AXIN2: variants seen among roughly 807,000 people sequenced by gnomAD.
The protein encoded by AXIN2 is axin 2.
In AXIN2, 21 loss-of-function variants were observed where a neutral mutation model predicts 74.7. The ratio of observed to expected loss-of-function variants is 0.28; its 90% confidence interval spans 0.20 to 0.40. The LOEUF (loss-of-function observed/expected upper bound fraction) is 0.40, where lower values mean the gene tolerates loss of function less well. Among genes scored for constraint, AXIN2 ranks in the 10% least tolerant of loss-of-function variants. The pLI, the probability that AXIN2 is intolerant of heterozygous loss-of-function variation, is 1.00. For synonymous variants in AXIN2, 532 were observed against 454.9 expected, an observed-to-expected ratio of 1.17 and a Z score of -2.16; for missense variants, 1,144 against 1,111.1, an observed-to-expected ratio of 1.03 and a Z score of -0.42.
chr17:65,532,944 TG>T (rs896731074), intron 10 of AXIN2, among the ~76,000 whole-genome samples: 21 of 152,152 alleles, frequency 1.4e-4, no homozygotes, highest in Non-Finnish European at 2.8e-4. Flanking sequence ...GCCCTAAACC[TG>T]GGAAACCTGG....
intron 6 of AXIN2, 38 bp downstream of exon 6, chr17:65,537,286 A>T (rs2144454856): frequency 1.2e-6 from 2 of 1,612,944 alleles, no homozygotes; most frequent in South Asian, 2.2e-5. Flanking sequence ...CTGGGAGACA[A>T]GCCCCACACG....
At chr17:65,545,833 T>C (rs1167847211) in intron 3 of AXIN2, among the ~76,000 whole-genome samples, 1 of 152,156 alleles carries the variant, frequency 6.6e-6, no homozygotes, top group Non-Finnish European at 1.5e-5. Flanking sequence ...AGCCCCTGCC[T>C]GCTCTGCACA....
rs2144591661 is a variant in AXIN2, at chr17:65,558,555, C to G, written c.66G>C (p.Pro22=). ...DPSSSFREDA[P]RPPVPGEEGE... is the part of the protein sequence containing the mutation. ...CTTCTTCCCCTGGCACTGGGGGCCG[C>G]GGGGCATCCTCACGGAAGCTGCTGC... Residue 22 remains proline, a synonymous_variant, in exon 2 of 11, where the codon CCG becomes CCC. Transcript: ENST00000307078. The G allele has an allele frequency of 6.2e-7, 1 of 1,613,170 alleles. No individual in the cohort carries two copies. The highest frequency in any genetic ancestry group is 8.5e-7 in the Non-Finnish European group (1 of 1,180,012).
At chr17:65,541,402 T>C (rs2144499221) in intron 4 of AXIN2, 53 bp downstream of exon 4, 2 of 1,500,100 alleles carry the variant, frequency 1.3e-6, no homozygotes, top group Non-Finnish European at 1.9e-6. Flanking sequence ...TTCTTTTCTT[T>C]AGGACTCAAC....
intron 9 of AXIN2, among the ~76,000 whole-genome samples, chr17:65,534,525 T>C (rs2043876130): frequency 6.6e-6 from 1 of 152,052 alleles, no homozygotes; most frequent in Admixed American, 6.5e-5. Context: ...GATCTCAGAA[T>C]GCCTAAAGCC....
intron 1 of AXIN2, 154 bp downstream of exon 1, chr17:65,561,296 C>A (rs2044370442): frequency 6.9e-6 from 1 of 145,706 alleles, no homozygotes; most frequent in Non-Finnish European, 1.5e-5. Flanking sequence ...TCCGCAGGGC[C>A]GCCCCGCCCG....
At chr17:65,548,894 T>G (rs891185128) in intron 3 of AXIN2, among the ~76,000 whole-genome samples, 1 of 152,204 alleles carries the variant, frequency 6.6e-6, no homozygotes, top group Admixed American at 6.5e-5. Context: ...CAGACACTAC[T>G]TTGGAGAGAG....
intron 10 of AXIN2, among the ~76,000 whole-genome samples, chr17:65,532,908 C>T (rs2043848246): frequency 6.6e-6 from 1 of 152,228 alleles, no homozygotes; most frequent in Admixed American, 6.5e-5. Context: ...TAGGGTGCCC[C>T]TGTCTCACCC....
Position 65,534,010 on chromosome 17 carries a change from A to G in AXIN2, c.2307T>C (p.Phe769=). 1 of 1,614,264 alleles carries G rather than the reference A, an allele frequency of 6.2e-7. No homozygotes were observed. The highest frequency in any genetic ancestry group is 1.1e-5 in the South Asian group (1 of 91,082). The change falls in exon 10 of 11, where the codon TTT becomes TTC. Residue 769 remains phenylalanine, a synonymous_variant. Coordinates refer to ENST00000307078, the MANE Select transcript of AXIN2 (RefSeq NM_004655.4). ...GGTATGGAATTTCTTCCCCACAGAAAAAGTAAGTGACAACCAACTCACTGG... is the reference window on the plus strand; with the variant it reads ...GGTATGGAATTTCTTCCCCACAGAAGAAGTAAGTGACAACCAACTCACTGG... ...LQASELVVTY[F]FCGEEIPYRR...
rs769069819 is a variant in AXIN2 at position 65,537,344 on chromosome 17, G to C, written c.1692C>G (p.Thr564=). 6.2e-7 allele frequency: 1 copy of C among 1,614,042 alleles called. No individual in the cohort carries two copies. The highest frequency in any genetic ancestry group is 1.3e-5 in the African/African-American group (1 of 74,948). Residue 564 remains threonine, a synonymous_variant, in exon 6 of 11, where the codon ACC becomes ACG. Transcript: ENST00000307078. ...KCKSHSKAPE[T]MPSEQFGGSR... ...CTTACCCAAACTGCTCGCTGGGCAT[G>C]GTTTCCGGAGCCTTGGAGTGGCTTT...
At chr17:65,541,608 CA>C in intron 3 of AXIN2, 51 bp from the exon 4 acceptor site, 2 of 1,457,102 alleles carry the variant, frequency 1.4e-6, no homozygotes. Context: ...ATGTTTTCAG[CA>C]CATCACATGG....
intron 4 of AXIN2, 103 bp downstream of exon 4, chr17:65,541,352 T>C: frequency 3.6e-6 from 4 of 1,096,420 alleles, no homozygotes; most frequent in Non-Finnish European, 5.6e-6. Flanking sequence ...GTACTGCTCT[T>C]TTCTACCTTC....
At chr17:65,536,729 G>C (rs1199357581) in intron 7 of AXIN2, 140 bp downstream of exon 7, 3 of 1,442,698 alleles carry the variant, frequency 2.1e-6, no homozygotes, top group Non-Finnish European at 2.9e-6. Context: ...GGTCTGCTCA[G>C]TCCAACGTTT....
At chr17:65,549,724 G>A (rs767926802) in intron 2 of AXIN2, 64 bp from the exon 3 acceptor site, 13 of 1,550,374 alleles carry the variant, frequency 8.4e-6, no homozygotes, top group Admixed American at 1.9e-5. Flanking sequence ...GTAATCAGGT[G>A]ACCCCAGGAC....
At chr17:65,537,243 C>T (rs867812703) in intron 6 of AXIN2, 81 bp downstream of exon 6, 13 of 1,592,020 alleles carry the variant, frequency 8.2e-6, no homozygotes, top group Middle Eastern at 2.1e-4. Flanking sequence ...GCCTGTAATG[C>T]GGCTCCCACC....
In AXIN2 at chr17:65,558,392, G is replaced by A. The variant is rs2044306822; in HGVS notation, c.229C>T (p.Arg77Trp). Reference sequence around the variant, plus strand: ...AAGGAGTGTAAGGACTTGGTCCACCGGGTCAGAGGGGAATCCGGAGATGCC... The same window carrying A: ...AAGGAGTGTAAGGACTTGGTCCACCAGGTCAGAGGGGAATCCGGAGATGCC... ...GRASPDSPLT[R>W]WTKSLHSLLG... The change falls in exon 2 of 11, where the codon CGG (arginine) becomes TGG (tryptophan). Residue 77 changes from arginine (R) to tryptophan (W), a missense_variant. This residue lies in a region of AXIN2 where 1,053 missense variants were observed against 973.5 expected (regional missense o/e 1.08). Coordinates refer to ENST00000307078, the MANE Select transcript of AXIN2 (RefSeq NM_004655.4). 1 of 1,606,634 alleles carries A rather than the reference G, an allele frequency of 6.2e-7. No homozygotes were observed. The highest frequency in any genetic ancestry group is 8.5e-7 in the Non-Finnish European group (1 of 1,174,644).
In AXIN2 at chr17:65,529,099, AC is replaced by A; in HGVS notation, c.*876del. 4.3e-6 allele frequency: 1 copy of A among 234,658 alleles called. No individual in the cohort carries two copies. 14.5% of individuals were successfully genotyped at this position (234,658 alleles called of 1,614,324 possible). ...TAAAACAAAAACAGAAACAAAAAAA[AC>A]AAGGAACTGTCATTTCCACGAAAGC... On this transcript the variant is annotated 3_prime_UTR_variant, in exon 11 of 11. Transcript: ENST00000307078.
chr17:65,546,749 G>A lies in AXIN2; in HGVS notation c.956+2771C>T, dbSNP rs192762172. 3.5e-3 allele frequency among the ~76,000 whole-genome samples: 537 copies of A among 152,286 alleles called. 3 individuals are homozygous for A. The highest frequency in any genetic ancestry group is 5.5e-3 in the Non-Finnish European group (377 of 68,032). On this transcript the variant is annotated intron_variant, in intron 3 of 10. Coordinates refer to ENST00000307078, the MANE Select transcript of AXIN2 (RefSeq NM_004655.4). ...CAGAGCCACTCAACACCACCAGGAC[G>A]AACAGAGCCAACACCATGAGCCCAC... is the stretch of plus-strand genomic sequence containing the variant.
chr17:65,542,301 TCTC>T (rs1386124776), intron 3 of AXIN2, among the ~76,000 whole-genome samples: 6 of 152,178 alleles, frequency 3.9e-5, no homozygotes, highest in African/African-American at 1.4e-4. Flanking sequence ...TGCCAGATCT[TCTC>T]CTAGGCACTA....
Sources: gnomAD v4.1 joint callset for allele counts (sites outside exome capture counted in the v4.1 genomes callset) on GRCh38, gnomAD v4.1.1 for gene constraint, gnomAD v4.1.1 regional missense constraint, MANE v1.5 for transcripts, NCBI Gene and HGNC (gene_info 2026-07-23, HGNC 2026-07-21) for gene names.